Variants in CEBPZOS observed in about 807,000 individuals in gnomAD.
CEBPZOS encodes protein CEBPZOS.
Under a neutral mutation model 4.8 loss-of-function variants are expected in CEBPZOS, and 10 were observed. The ratio of observed to expected loss-of-function variants is 2.07; its 90% CI spans 1.28 to 3.52. CEBPZOS has a LOEUF of 3.52. Among genes scored for constraint, CEBPZOS ranks in the 30% most tolerant of loss-of-function variants. The probability of loss-of-function intolerance (pLI) is 0.00; values close to 1 mark genes in which losing one functional copy is unlikely to be tolerated. For missense variants in CEBPZOS, 98 were observed against 43.6 expected, an observed-to-expected ratio of 2.25 and a Z score of -3.51; for synonymous variants, 25 against 14.2, an observed-to-expected ratio of 1.77 and a Z score of -1.72.
downstream of CEBPZOS, chr2:37,208,865 G>C (rs1409844554): frequency 6.6e-6 from 1 of 152,080 alleles, no homozygotes; most frequent in Admixed American, 6.5e-5. Context: ...ATTCACCGAT[G>C]ATATGATAGC....
intron 4 of CEBPZOS, chr2:37,211,953 T>C (rs903248458): frequency 6.2e-7 from 1 of 1,613,798 alleles, no homozygotes; most frequent in East Asian, 2.2e-5. Flanking sequence ...TTCATCGTCA[T>C]CCAGGTTACC....
chr2:37,201,817 A>G lies in CEBPZOS; in HGVS notation c.*3-46A>G, dbSNP rs568781872. The G allele has an allele frequency of 3.8e-6, 6 of 1,594,012 alleles. No homozygotes were observed. In the East Asian group the frequency reaches 8.9e-5, roughly 24 times the overall value. ...GTGGTTTTAATCCTCTTCTTTTTAAAATGTTTCTTTTTCTTGATGATACTT... is the reference window on the plus strand; with the variant it reads ...GTGGTTTTAATCCTCTTCTTTTTAAGATGTTTCTTTTTCTTGATGATACTT... On this transcript the variant is annotated intron_variant, in intron 4 of 4. Transcript: ENST00000402297.
chr2:37,212,179 C>T, intron 4 of CEBPZOS: 6 of 982,050 alleles, frequency 6.1e-6, no homozygotes, highest in Non-Finnish European at 9.1e-6. Context: ...TAATAACGTG[C>T]TTTATAAATG....
chr2:37,199,855 G>T (rs776410453), intron 2 of CEBPZOS, 36 bp downstream of exon 2: 2 of 701,584 alleles, frequency 2.9e-6, no homozygotes, highest in South Asian at 3.0e-5. Flanking sequence ...TTTCTAAAGG[G>T]GTATAGTTTT....
In CEBPZOS at chr2:37,201,812, T is replaced by C. The variant is rs774084681; in HGVS notation, c.*3-51T>C. ...TTTGAGTGGTTTTAATCCTCTTCTT[T>C]TTAAAATGTTTCTTTTTCTTGATGA... On this transcript the variant is annotated intron_variant, in intron 4 of 4. Transcript: ENST00000402297. 3 of 1,588,472 alleles carry C rather than the reference T, an allele frequency of 1.9e-6. No individual in the cohort carries two copies. The East Asian group carries it at 6.7e-5, about 35-fold the overall frequency.
Position 37,203,969 on chromosome 2 carries a change from A to T in CEBPZOS, c.*2109A>T, listed in dbSNP as rs1677415157. 6.6e-6 allele frequency: 1 copy of T among 152,162 alleles called. No individual in the cohort carries two copies. Among genetic ancestry groups the T allele is most frequent in the South Asian group, 2.1e-4 (1 of 4,830 alleles). The allele number at this position is 152,162 out of a possible 1,614,324, so 9.4% of individuals were successfully genotyped here. ...ATTTAGGTTTTGTCTACTTTTTGGC[A>T]TTAATAGTGCTGCTGTGAACAATCA... On this transcript the variant is annotated 3_prime_UTR_variant, in exon 5 of 5. Transcript: ENST00000402297.
In CEBPZOS at chr2:37,202,157, CT is replaced by C; in HGVS notation, c.*298del. On this transcript the variant is annotated 3_prime_UTR_variant, in exon 5 of 5. Coordinates refer to ENST00000402297, the MANE Select transcript of CEBPZOS (RefSeq NM_001322374.2). ...GATTTTCTCTCCCCAAGCACTTTTA[CT>C]GGTGAAATAAAAACCAGTAACAATC... 1 of 282,416 alleles carries C rather than the reference CT, an allele frequency of 3.5e-6. No individual in the cohort carries two copies. The highest frequency in any genetic ancestry group is 6.5e-6 in the Non-Finnish European group (1 of 154,414). 17.5% of individuals were successfully genotyped at this position (282,416 alleles called of 1,614,324 possible).
chr2:37,201,667 T>A lies in CEBPZOS; in HGVS notation c.186T>A (p.Ser62=), dbSNP rs1441413198. 1.8e-5 allele frequency: 14 copies of A among 789,436 alleles called. No homozygotes were observed. Among genetic ancestry groups the A allele is most frequent in the Non-Finnish European group, 2.9e-5 (13 of 452,352 alleles). The allele number at this position is 789,436 out of a possible 1,614,324, so 48.9% of individuals were successfully genotyped here. Residue 62 remains serine (S), a synonymous_variant, in exon 4 of 5, where the codon TCT becomes TCA. Coordinates refer to ENST00000402297, the MANE Select transcript of CEBPZOS (RefSeq NM_001322374.2). ...TTTATTACAAATCCACTGAGAAGTC[T>A]GGAATGTATGGAATCAGAGAGCTAG... The part of the protein sequence containing the change: ...LEVYYKSTEK[S]GMYGIRELDQ...
chr2:37,211,250 GACTC>G (rs2148347637), intron 4 of CEBPZOS: 4 of 442,982 alleles, frequency 9.0e-6, no homozygotes, highest in Non-Finnish European at 1.6e-5. Flanking sequence ...CTGAGAAAAA[GACTC>G]TAAGAATTGG....
intron 1 of CEBPZOS, among the ~76,000 whole-genome samples, chr2:37,198,218 ACTTT>A: frequency 1.3e-5 from 2 of 152,316 alleles, no homozygotes. Context: ...AGCATGACTT[ACTTT>A]CTGTCAGTCA....
intron 2 of CEBPZOS, 146 bp downstream of exon 2, chr2:37,199,965 A>G: frequency 1.7e-6 from 1 of 602,762 alleles, no homozygotes; most frequent in Non-Finnish European, 3.0e-6. Context: ...ACAGGAATCA[A>G]AGTATTCATT....
chr2:37,211,064 T>C (rs1326317303), intron 4 of CEBPZOS: 3 of 1,609,696 alleles, frequency 1.9e-6, no homozygotes, highest in East Asian at 4.5e-5. Context: ...AGTACTGACT[T>C]TGGAGTGGAC....
rs1364157167 is a variant in CEBPZOS at position 37,199,767 on chromosome 2, T to C, written c.63T>C (p.Leu21=). ...KIFKGVLVAE[L]VGVFGAYFLF... ...TTAAAGGAGTTTTGGTAGCCGAACT[T>C]GTAGGCGTTTTTGGAGCATATTTTT... The change falls in exon 2 of 5, where the codon CTT becomes CTC. Residue 21 remains leucine (L), a synonymous_variant. Coordinates refer to ENST00000402297, the MANE Select transcript of CEBPZOS (RefSeq NM_001322374.2). 1 of 717,636 alleles carries C rather than the reference T, an allele frequency of 1.4e-6. No homozygotes were observed. The highest frequency in any genetic ancestry group is 2.6e-6 in the Non-Finnish European group (1 of 385,102). The allele number at this position is 717,636 out of a possible 1,614,324, so 44.5% of individuals were successfully genotyped here.
intron 3 of CEBPZOS, 140 bp from the exon 4 acceptor site, chr2:37,201,502 T>C (rs1365679630): frequency 3.4e-6 from 2 of 594,904 alleles, no homozygotes; most frequent in Non-Finnish European, 6.0e-6. Flanking sequence ...AGGACTTATA[T>C]GTGAAGTCTG....
rs74992087 is a variant in CEBPZOS, at chr2:37,212,106, A to G, written c.*3-1331A>G. 2.2e-6 allele frequency: 3 copies of G among 1,354,668 alleles called. No homozygotes were observed. In the East Asian group the frequency reaches 6.9e-5, roughly 31 times the overall value. 83.9% of individuals were successfully genotyped at this position (1,354,668 alleles called of 1,614,324 possible). On this transcript the variant is annotated intron_variant, in intron 4 of 4. Coordinates refer to the CEBPZOS transcript ENST00000397064. ...TTTCTAAAGTAGTGTTTTGCTGACT[A>G]CTAGGGCAGTAGGCTATTAAATGAC... is the stretch of plus-strand genomic sequence containing the variant.
intron 4 of CEBPZOS, chr2:37,211,976 A>G: frequency 1.2e-6 from 2 of 1,613,270 alleles, no homozygotes; most frequent in Non-Finnish European, 8.5e-7. Flanking sequence ...GTTCATCATC[A>G]CTACCTTCTG....
exon 5 of CEBPZOS, chr2:37,213,471 C>G (rs2430490): frequency 0.82 from 130,021 of 159,028 alleles, 53,886 homozygotes; most frequent in East Asian, 0.99. Context: ...GAGTGCAGTG[C>G]CGTAATCTTG....
chr2:37,212,192 A>G, intron 4 of CEBPZOS: 1 of 976,606 alleles, frequency 1.0e-6, no homozygotes, highest in South Asian at 1.6e-5. Flanking sequence ...TATAAATGTC[A>G]AAGATGAAAG....
chr2:37,200,197 A>C (rs1242159084), intron 2 of CEBPZOS, among the ~76,000 whole-genome samples: 1 of 152,178 alleles, frequency 6.6e-6, no homozygotes. Flanking sequence ...CTGAGTAACC[A>C]GTTTTCTCAG....
Sources: gnomAD v4.1 joint callset for allele counts (sites outside exome capture counted in the v4.1 genomes callset) on GRCh38, gnomAD v4.1.1 for gene constraint, MANE v1.5 for transcripts, NCBI Gene and HGNC (gene_info 2026-07-23, HGNC 2026-07-21) for gene names.